DTNA: variants seen among roughly 807,000 people sequenced by gnomAD.
DTNA encodes the protein dystrophin-related protein 3.
DTNA carries 43 observed loss-of-function variants against 100.7 expected under a neutral mutation model. The observed-to-expected ratio is 0.43, with a 90% confidence interval of 0.33 to 0.55. The LOEUF (loss-of-function observed/expected upper bound fraction) is 0.55. Among genes scored for constraint, DTNA ranks in the 20% least tolerant of loss-of-function variants. DTNA has a pLI of 0.04. For missense variants in DTNA, 798 were observed against 953.9 expected (o/e 0.84, Z 2.15); for synonymous variants, 349 against 347.9 (o/e 1.00, Z -0.04).
At chr18:34,688,042 C>T (rs755209904) in intron 1 of DTNA, among the ~76,000 whole-genome samples, 2 of 152,018 alleles carry the variant, frequency 1.3e-5, no homozygotes, top group East Asian at 1.9e-4. Context: ...TATCTTTGCA[C>T]ATGAGATGGG....
intron 2 of DTNA, among the ~76,000 whole-genome samples, chr18:34,759,278 CA>C (rs1216234010): frequency 2.6e-5 from 4 of 152,204 alleles, no homozygotes; most frequent in Non-Finnish European, 4.4e-5. Flanking sequence ...TGTCTTTTAA[CA>C]GAATAAATTG....
Position 34,526,108 on chromosome 18 carries a change from C to T in DTNA, c.-2+32594C>T, listed in dbSNP as rs139866495. Among the ~76,000 whole-genome samples, 462 of 152,250 alleles carry T rather than the reference C, an allele frequency of 3.0e-3. 1 individual carries two copies. Among genetic ancestry groups the T allele is most frequent in the African/African-American group, 0.01 (422 of 41,558 alleles). ...GTTACATGATAAAACAGCACGGCTACGTGTGTTCTGGTTAGAAATCAAAGA... is the reference window on the plus strand; with the variant it reads ...GTTACATGATAAAACAGCACGGCTATGTGTGTTCTGGTTAGAAATCAAAGA... On this transcript the variant is annotated intron_variant, in intron 1 of 19. Coordinates refer to the DTNA transcript ENST00000283365.
intron 18 of DTNA, 39 bp from the exon 19 acceptor site, chr18:34,877,680 G>A: frequency 6.4e-7 from 1 of 1,570,294 alleles, no homozygotes; most frequent in Non-Finnish European, 8.7e-7. Context: ...AGGATAGAAG[G>A]AAGCTTTGGT....
intron 1 of DTNA, among the ~76,000 whole-genome samples, chr18:34,578,480 C>T (rs1310029294): frequency 1.3e-5 from 2 of 151,992 alleles, no homozygotes; most frequent in Non-Finnish European, 2.9e-5. Flanking sequence ...TAATTAAGTC[C>T]CACCTACTTA....
intron 1 of DTNA, among the ~76,000 whole-genome samples, chr18:34,746,295 A>C (rs2091571283): frequency 6.6e-6 from 1 of 151,952 alleles, no homozygotes. Flanking sequence ...ATATATTTTC[A>C]TGAATAGTAA....
At position 34,882,106 on chromosome 18, in the gene DTNA, G is replaced by A. The variant is rs769251451; in HGVS notation, c.2200G>A (p.Asp734Asn). 5 of 1,613,958 alleles carry A rather than the reference G, an allele frequency of 3.1e-6. No homozygotes were observed. The highest frequency in any genetic ancestry group is 4.2e-6 in the Non-Finnish European group (5 of 1,179,974). Residue 734 changes from aspartate to asparagine, a missense_variant, in exon 21 of 23, where the codon GAT becomes AAT. Physicochemically the swap from Asp to Asn is conservative, Grantham distance 23. Around this residue, in one of 6 missense-constraint regions of DTNA, gnomAD observed 242 missense variants for 238.2 expected, o/e 1.02. Transcript: ENST00000444659. ...TGCAGATCCCTATGTGCAGCCTGAA[G>A]ATGAAAACTATGAAAATGACTCTGT... ...EDADPYVQPEDENYENDSVRQ... is the reference protein window; with the variant it reads ...EDADPYVQPENENYENDSVRQ...
At chr18:34,494,742 T>C (rs1049418713) in intron 1 of DTNA, among the ~76,000 whole-genome samples, 1 of 152,160 alleles carries the variant, frequency 6.6e-6, no homozygotes, top group South Asian at 2.1e-4. Flanking sequence ...TTTATTCTTA[T>C]TCTAAAAAAA....
intron 1 of DTNA, among the ~76,000 whole-genome samples, chr18:34,609,198 A>C (rs1390097792): frequency 6.6e-6 from 1 of 152,118 alleles, no homozygotes. Context: ...GTACAAGATA[A>C]ACTATATAAT....
At chr18:34,669,024 G>C (rs1023643220) in intron 1 of DTNA, among the ~76,000 whole-genome samples, 3 of 152,058 alleles carry the variant, frequency 2.0e-5, no homozygotes, top group African/African-American at 7.3e-5. Flanking sequence ...TTGACAGTGG[G>C]GTATGAAAGT....
At chr18:34,877,632 T>C (rs1352593189) in intron 18 of DTNA, 87 bp from the exon 19 acceptor site, 3 of 1,202,596 alleles carry the variant, frequency 2.5e-6, no homozygotes, top group Non-Finnish European at 3.6e-6. Flanking sequence ...TTGCTTTAGG[T>C]TATTAATGGG....
chr18:34,653,644 G>A (rs1018389017), intron 1 of DTNA, among the ~76,000 whole-genome samples: 1 of 152,090 alleles, frequency 6.6e-6, no homozygotes, highest in East Asian at 1.9e-4. Context: ...TCAACGTGGT[G>A]AAACCCCATT....
At chr18:34,522,710 T>C (rs556700107) in intron 1 of DTNA, among the ~76,000 whole-genome samples, 1 of 152,288 alleles carries the variant, frequency 6.6e-6, no homozygotes, top group African/African-American at 2.4e-5. Flanking sequence ...CCCATATGTA[T>C]GTTGGGTGGA....
intron 13 of DTNA, among the ~76,000 whole-genome samples, chr18:34,846,914 G>A (rs940371009): frequency 2.0e-5 from 3 of 152,162 alleles, no homozygotes; most frequent in Non-Finnish European, 4.4e-5. Flanking sequence ...ATAAGAGGGT[G>A]TCTTTACAAT....
Position 34,829,449 on chromosome 18 carries a change from C to T in DTNA, c.1135C>T (p.Leu379Phe), listed in dbSNP as rs1235697533. ...ASSPVAEEHS[L>F]IKLYVNQLDH... ...CAGCCCTGTGGCTGAAGAGCATTCC[C>T]TCATAAAGCTGTACGTAAATCAGCT... The change falls in exon 11 of 23, where the codon CTC becomes TTC. Residue 379 changes from leucine to phenylalanine, a missense_variant. Physicochemically the swap from Leu to Phe is conservative, Grantham distance 22. This residue lies in a region of DTNA where 159 missense variants were observed against 201.2 expected (regional missense o/e 0.79). Transcript: ENST00000444659. The T allele has an allele frequency of 6.5e-7, 1 of 1,532,818 alleles. No individual in the cohort carries two copies. Among genetic ancestry groups the T allele is most frequent in the East Asian group, 2.4e-5 (1 of 40,828 alleles). The allele number at this position is 1,532,818 out of a possible 1,614,324, so 95.0% of individuals were successfully genotyped here.
At chr18:34,597,720 A>G (rs77774941) in intron 1 of DTNA, among the ~76,000 whole-genome samples, 2,590 of 152,104 alleles carry the variant, frequency 0.017, 59 homozygotes, top group African/African-American at 0.05. Flanking sequence ...CTGCCTCCAC[A>G]ATATGCCGTA....
At chr18:34,826,737 A>G (rs369150952) in intron 9 of DTNA, among the ~76,000 whole-genome samples, 37 of 152,098 alleles carry the variant, frequency 2.4e-4, no homozygotes, top group Non-Finnish European at 5.0e-4. Context: ...GTCCCATCTC[A>G]TATTACCATT....
chr18:34,518,187 T>C (rs2041833012), intron 1 of DTNA, among the ~76,000 whole-genome samples: 1 of 152,176 alleles, frequency 6.6e-6, no homozygotes, highest in Admixed American at 6.6e-5. Context: ...ACTAACGATG[T>C]TGAACATCTT....
At chr18:34,789,047 ATTATTACAT>A (rs1194900135) in intron 3 of DTNA, among the ~76,000 whole-genome samples, 1 of 152,174 alleles carries the variant, frequency 6.6e-6, no homozygotes, top group Admixed American at 6.5e-5. Context: ...TAAACAAAAT[ATTATTACAT>A]TTTATTTTTA....
intron 15 of DTNA, among the ~76,000 whole-genome samples, chr18:34,857,240 A>T (rs182298943): frequency 6.6e-6 from 1 of 152,334 alleles, no homozygotes; most frequent in East Asian, 1.9e-4. Flanking sequence ...CACACCCACG[A>T]AATGTATAAT....
Sources: gnomAD v4.1 joint callset for allele counts (sites outside exome capture counted in the v4.1 genomes callset) on GRCh38, gnomAD v4.1.1 for gene constraint, gnomAD v4.1.1 regional missense constraint, MANE v1.5 for transcripts, NCBI Gene and HGNC (gene_info 2026-07-23, HGNC 2026-07-21) for gene names.